The following LUZP2 variants were observed in gnomAD, a reference collection of about 807,000 sequenced individuals.
The protein encoded by LUZP2 is leucine zipper protein 2.
Under a neutral mutation model 51.6 loss-of-function variants are expected in LUZP2, and 52 were observed. That is an observed-to-expected ratio of 1.01 (90% CI 0.81 to 1.27). The LOEUF is 1.27. Ranked by LOEUF, LUZP2 falls within the 50% of genes most tolerant of loss-of-function variation. The probability of loss-of-function intolerance (pLI) is 0.00; values close to 1 mark genes in which losing one functional copy is unlikely to be tolerated. For synonymous variants in LUZP2, 154 were observed against 137.3 expected (o/e 1.12, Z -0.85); for missense variants, 436 against 395.4 (o/e 1.10, Z -0.87).
chr11:24,938,380 C>T (rs918840960), intron 7 of LUZP2, among the ~76,000 whole-genome samples: 1 of 152,086 alleles, frequency 6.6e-6, no homozygotes, highest in Non-Finnish European at 1.5e-5. Context: ...TTTTCAACTG[C>T]CTTTAACATA....
chr11:24,608,568 T>G (rs1253577360), intron 1 of LUZP2, among the ~76,000 whole-genome samples: 3 of 152,108 alleles, frequency 2.0e-5, no homozygotes, highest in South Asian at 4.1e-4. Flanking sequence ...AAGAAAAAGT[T>G]AAGATTTTTA....
At chr11:25,019,967 G>A (rs761929969) in intron 9 of LUZP2, among the ~76,000 whole-genome samples, 2 of 151,996 alleles carry the variant, frequency 1.3e-5, no homozygotes, top group Non-Finnish European at 2.9e-5. Context: ...TCACATCCTG[G>A]ATTGTGTTTT....
chr11:24,628,199 A>G (rs1433552680), intron 1 of LUZP2, among the ~76,000 whole-genome samples: 1 of 132,398 alleles, frequency 7.6e-6, no homozygotes, highest in African/African-American at 2.9e-5. Flanking sequence ...ACGCACACAC[A>G]CACACCCATG....
At chr11:24,985,699 A>T (rs1280255579) in intron 9 of LUZP2, among the ~76,000 whole-genome samples, 1 of 151,764 alleles carries the variant, frequency 6.6e-6, no homozygotes, top group African/African-American at 2.4e-5. Context: ...AAAGGGCAAG[A>T]GGAGGTTTTA....
At position 24,534,561 on chromosome 11, in the gene LUZP2, G is replaced by C. The variant is rs546861309; in HGVS notation, c.62+37256G>C. Among the ~76,000 whole-genome samples the C allele has an allele frequency of 1.3e-4, 19 of 151,308 alleles. 2 individuals are homozygous for C. Among genetic ancestry groups the C allele is most frequent in the African/African-American group, 4.3e-4 (18 of 41,406 alleles). On this transcript the variant is annotated intron_variant, in intron 1 of 11. Transcript: ENST00000336930. ...TATAGAAAGCATATTTATATATAGA[G>C]AGAGTAAACACATTTAAAAGGATAA...
chr11:24,582,304 T>A (rs1391287686), intron 1 of LUZP2, among the ~76,000 whole-genome samples: 1 of 140,956 alleles, frequency 7.1e-6, no homozygotes, highest in African/African-American at 2.6e-5. Flanking sequence ...AGCTGATTTT[T>A]TTTTTTTTTT....
chr11:24,850,650 T>G (rs1851363830), intron 5 of LUZP2, among the ~76,000 whole-genome samples: 1 of 152,218 alleles, frequency 6.6e-6, no homozygotes, highest in Non-Finnish European at 1.5e-5. Flanking sequence ...TTTCTAATTC[T>G]GTGAAGAAAG....
chr11:24,974,017 A>G (rs1855819442), intron 7 of LUZP2, among the ~76,000 whole-genome samples: 1 of 152,010 alleles, frequency 6.6e-6, no homozygotes, highest in African/African-American at 2.4e-5. Context: ...TGATGTGTCT[A>G]ATATTGTCAG....
At chr11:24,618,595 A>T (rs567585672) in intron 1 of LUZP2, among the ~76,000 whole-genome samples, 9 of 152,306 alleles carry the variant, frequency 5.9e-5, no homozygotes, top group Admixed American at 3.9e-4. Context: ...ATATATTACA[A>T]GTTTCTAAGT....
chr11:24,710,587 CT>C (rs1857771885), intron 1 of LUZP2, among the ~76,000 whole-genome samples: 1 of 152,158 alleles, frequency 6.6e-6, no homozygotes. Flanking sequence ...GCAAGCTCTT[CT>C]GAATTTTTCT....
chr11:24,871,799 A>C (rs1852084241), intron 5 of LUZP2, among the ~76,000 whole-genome samples: 1 of 152,104 alleles, frequency 6.6e-6, no homozygotes. Flanking sequence ...TCAAGGTAAA[A>C]ACATTTCTCT....
At chr11:25,004,865 A>C (rs1856790807) in intron 9 of LUZP2, among the ~76,000 whole-genome samples, 1 of 152,110 alleles carries the variant, frequency 6.6e-6, no homozygotes, top group Non-Finnish European at 1.5e-5. Flanking sequence ...TCATTCTGTC[A>C]TTTACTTGAC....
intron 6 of LUZP2, 58 bp from the exon 7 acceptor site, chr11:24,914,418 T>C: frequency 1.6e-6 from 2 of 1,250,938 alleles, no homozygotes; most frequent in South Asian, 2.5e-5. Flanking sequence ...AGTATTTTAA[T>C]CTTCAAGTTT....
At chr11:24,762,824 G>A (rs1456980096) in intron 4 of LUZP2, 1 of 168,846 alleles carries the variant, frequency 5.9e-6, no homozygotes, top group East Asian at 1.9e-4. Flanking sequence ...TGAGGTAAGG[G>A]ATATTATTAT....
At chr11:24,583,683 A>AG (rs1361402821) in intron 1 of LUZP2, among the ~76,000 whole-genome samples, 1 of 151,090 alleles carries the variant, frequency 6.6e-6, no homozygotes, top group Non-Finnish European at 1.5e-5. Context: ...TGAAGTAACC[A>AG]GGGGAAGTCG....
Position 24,874,706 on chromosome 11 carries a change from G to A in LUZP2, c.397-31285G>A, listed in dbSNP as rs1321411679. ...TTAACTGATTCCTTGCAGACTCATG[G>A]AGTGTGGGGCACTTGTTGAACTAAT... On this transcript the variant is annotated intron_variant, in intron 5 of 11. Transcript: ENST00000336930. Among the ~76,000 whole-genome samples, 4 of 152,174 alleles carry A rather than the reference G, an allele frequency of 2.6e-5. No homozygotes were observed. In the East Asian group the frequency reaches 7.7e-4, roughly 29 times the overall value.
At chr11:24,991,396 GTATATATA>G (rs58483878) in intron 9 of LUZP2, among the ~76,000 whole-genome samples, 7 of 124,976 alleles carry the variant, frequency 5.6e-5, no homozygotes, top group South Asian at 2.7e-4. Context: ...GTGTGTGTGT[GTATATATA>G]TATATATATA....
intron 9 of LUZP2, among the ~76,000 whole-genome samples, chr11:25,021,686 G>A (rs1156969645): frequency 6.6e-6 from 1 of 152,010 alleles, no homozygotes; most frequent in African/African-American, 2.4e-5. Flanking sequence ...AACTGAATGT[G>A]GAAGGGAGCC....
intron 4 of LUZP2, among the ~76,000 whole-genome samples, chr11:24,755,846 T>C (rs1859753671): frequency 2.0e-5 from 3 of 152,194 alleles, no homozygotes; most frequent in Admixed American, 2.0e-4. Flanking sequence ...TACCTCAAAA[T>C]ATGTTTTCTT....
Sources: allele counts gnomAD v4.1 joint callset (sites outside exome capture counted in the v4.1 genomes callset), GRCh38; gene constraint gnomAD v4.1.1; transcripts MANE v1.5; gene names NCBI Gene and HGNC (gene_info 2026-07-23, HGNC 2026-07-21).